Variants in OTUD7A observed in about 807,000 individuals in gnomAD.
OTUD7A encodes OTU domain-containing protein 7A.
A neutral mutation model predicts 65.7 loss-of-function variants in OTUD7A; 12 were observed. The observed-to-expected ratio is 0.18, with a 90% CI of 0.12 to 0.30. The LOEUF (loss-of-function observed/expected upper bound fraction) is 0.30. OTUD7A is among the 10% of genes least tolerant of loss of function. OTUD7A has a pLI of 1.00. For synonymous variants in OTUD7A, 641 were observed against 586.3 expected, an observed-to-expected ratio of 1.09 and a Z score of -1.35; for missense variants, 1,148 against 1,304.8, an observed-to-expected ratio of 0.88 and a Z score of 1.85.
intron 1 of OTUD7A, among the ~76,000 whole-genome samples, chr15:31,789,804 CA>C (rs760764375): frequency 4.7e-5 from 7 of 150,534 alleles, no homozygotes; most frequent in Non-Finnish European, 4.4e-5. Context: ...CTCCCAGGTT[CA>C]AGCGATTCTC....
At chr15:31,802,170 T>C (rs1366677758) in intron 1 of OTUD7A, among the ~76,000 whole-genome samples, 2 of 150,920 alleles carry the variant, frequency 1.3e-5, no homozygotes, top group Admixed American at 6.6e-5. Context: ...GGGGAGTTTA[T>C]TAAATATTAG....
At chr15:31,870,468 C>T (rs1222884660) in intron 1 of OTUD7A, 39 bp downstream of exon 1, 1 of 147,900 alleles carries the variant, frequency 6.8e-6, no homozygotes, top group Non-Finnish European at 1.5e-5. Context: ...GGCCCGGCCC[C>T]GCCGCCCGCC....
intron 1 of OTUD7A, among the ~76,000 whole-genome samples, chr15:31,842,267 C>T (rs1331754792): frequency 1.3e-5 from 2 of 152,208 alleles, no homozygotes; most frequent in South Asian, 2.1e-4. Context: ...TGTTCTGTGT[C>T]CTGATCTAGG....
chr15:31,610,593 T>TTATATATATATA lies in OTUD7A; in HGVS notation c.152-40408_152-40397dup, dbSNP rs1244768576. ...CTCAATAAATTTAAGAAAAATGAAA[T>TTATATATATATA]TATATATATATATATATATATATAT... On this transcript the variant is annotated intron_variant, in intron 3 of 12. Transcript: ENST00000307050. Among the ~76,000 whole-genome samples, 74 of 80,982 alleles carry TTATATATATATA rather than the reference T, an allele frequency of 9.1e-4. 3 individuals carry two copies. Among genetic ancestry groups the TTATATATATATA allele is most frequent in the South Asian group, 1.2e-3 (3 of 2,456 alleles). The allele number at this position is 80,982 out of a possible 152,430, so 53.1% of individuals were successfully genotyped here.
intron 10 of OTUD7A, among the ~76,000 whole-genome samples, chr15:31,500,365 G>T (rs74010669): frequency 1.3e-5 from 2 of 152,208 alleles, no homozygotes; most frequent in African/African-American, 4.8e-5. Flanking sequence ...TTCTTGTCAC[G>T]GCCGGCTGTA....
At chr15:31,617,618 A>G (rs1595659646) in intron 3 of OTUD7A, among the ~76,000 whole-genome samples, 1 of 152,246 alleles carries the variant, frequency 6.6e-6, no homozygotes, top group East Asian at 1.9e-4. Context: ...AAGCTTAAGC[A>G]CAGGAAAGAC....
At chr15:31,856,355 C>T (rs189483438) in intron 1 of OTUD7A, among the ~76,000 whole-genome samples, 2 of 152,248 alleles carry the variant, frequency 1.3e-5, no homozygotes, top group East Asian at 3.9e-4. Flanking sequence ...TCCCATTTTA[C>T]TGTTTTGCTG....
chr15:31,670,744 C>G (rs1421354070), intron 1 of OTUD7A, among the ~76,000 whole-genome samples: 1 of 152,074 alleles, frequency 6.6e-6, no homozygotes, highest in Non-Finnish European at 1.5e-5. Flanking sequence ...GTAATCCCAG[C>G]ACTTTGGGAG....
chr15:31,811,550 T>A (rs1187827822), intron 1 of OTUD7A, among the ~76,000 whole-genome samples: 1 of 152,062 alleles, frequency 6.6e-6, no homozygotes, highest in Non-Finnish European at 1.5e-5. Flanking sequence ...CGTATGTGTA[T>A]GTGAGTGTGC....
intron 1 of OTUD7A, among the ~76,000 whole-genome samples, chr15:31,809,901 T>C (rs939345566): frequency 6.6e-5 from 10 of 152,264 alleles, no homozygotes; most frequent in African/African-American, 2.4e-4. Context: ...TAACTATTTC[T>C]TAGTCCGTTA....
intron 1 of OTUD7A, among the ~76,000 whole-genome samples, chr15:31,852,857 AAG>A (rs1397582349): frequency 6.6e-6 from 1 of 152,262 alleles, no homozygotes; most frequent in Non-Finnish European, 1.5e-5. Flanking sequence ...CTAAAGCAGT[AAG>A]AATTCATTCA....
intron 1 of OTUD7A, among the ~76,000 whole-genome samples, chr15:31,686,904 G>A (rs1412197637): frequency 6.6e-6 from 1 of 152,196 alleles, no homozygotes; most frequent in Non-Finnish European, 1.5e-5. Flanking sequence ...AACCTTTTCA[G>A]AGGAAGTATT....
At chr15:31,556,472 G>A (rs913371655) in intron 5 of OTUD7A, 1 of 152,224 alleles carries the variant, frequency 6.6e-6, no homozygotes, top group African/African-American at 2.4e-5. Flanking sequence ...TTCAAGACTG[G>A]ATGAAGCCAG....
At chr15:31,773,957 G>T (rs1895304049) in intron 1 of OTUD7A, among the ~76,000 whole-genome samples, 1 of 152,178 alleles carries the variant, frequency 6.6e-6, no homozygotes, top group Non-Finnish European at 1.5e-5. Context: ...ATCAGCAAAT[G>T]CACTGTTTAA....
chr15:31,555,357 G>A (rs567521860), intron 5 of OTUD7A, among the ~76,000 whole-genome samples: 24 of 152,220 alleles, frequency 1.6e-4, no homozygotes, highest in African/African-American at 5.8e-4. Flanking sequence ...TTTGACATCT[G>A]TATTTCAATC....
In OTUD7A at chr15:31,802,490, C is replaced by A. The variant is rs1221230973; in HGVS notation, c.-100+68017G>T. 3.3e-5 allele frequency among the ~76,000 whole-genome samples: 5 copies of A among 151,026 alleles called. No homozygotes were observed. The East Asian group carries it at 9.9e-4, about 30-fold the overall frequency. ...GGCAACACCCTCACAGACACACCAA[C>A]GATCAACACTTTGCATCCTTCAATC... On this transcript the variant is annotated intron_variant, in intron 1 of 12. Transcript: ENST00000307050.
chr15:31,688,407 A>G (rs1309330579), intron 1 of OTUD7A, among the ~76,000 whole-genome samples: 1 of 152,064 alleles, frequency 6.6e-6, no homozygotes, highest in Admixed American at 6.5e-5. Context: ...TCCATAAAAC[A>G]AGTGGCTCAG....
chr15:31,578,206 T>C (rs12443157), intron 3 of OTUD7A, among the ~76,000 whole-genome samples: 119,155 of 152,140 alleles, frequency 0.78, 47,552 homozygotes, highest in African/African-American at 0.94. Context: ...CAGGAAAAGC[T>C]GACCAGCATT....
chr15:31,785,790 GC>G, intron 1 of OTUD7A, among the ~76,000 whole-genome samples: 1 of 152,298 alleles, frequency 6.6e-6, no homozygotes, highest in South Asian at 2.1e-4. Context: ...AACATACTTT[GC>G]CTCAGTTTCC....
Sources: allele counts gnomAD v4.1 joint callset (sites outside exome capture counted in the v4.1 genomes callset), GRCh38; gene constraint gnomAD v4.1.1; transcripts MANE v1.5; gene names NCBI Gene and HGNC (gene_info 2026-07-23, HGNC 2026-07-21).